Variants in TOP2B observed in about 807,000 individuals in gnomAD.
The protein encoded by TOP2B is DNA topoisomerase II beta.
TOP2B carries 51 observed loss-of-function variants against 193.5 expected under a neutral mutation model. The ratio of observed to expected loss-of-function variants is 0.26; its 90% CI spans 0.21 to 0.33. The LOEUF (loss-of-function observed/expected upper bound fraction) is 0.33. TOP2B is among the 10% of genes least tolerant of loss of function. The pLI is 1.00. For missense variants in TOP2B, 1,378 were observed against 1,909.3 expected (o/e 0.72, Z 5.19); for synonymous variants, 634 against 635.7 (o/e 1.00, Z 0.04).
chr3:25,632,927 T>TA (rs1703001617), intron 8 of TOP2B, 133 bp from the exon 9 acceptor site: 1 of 771,084 alleles, frequency 1.3e-6, no homozygotes. Context: ...TTTAAAAAAA[T>TA]AAGACATTTT....
chr3:25,629,781 C>A (rs1444348508), intron 13 of TOP2B, among the ~76,000 whole-genome samples: 1 of 152,000 alleles, frequency 6.6e-6, no homozygotes, highest in East Asian at 1.9e-4. Flanking sequence ...AATTTTGTTC[C>A]TACTTGTAGG....
At chr3:25,632,299 CAAATTA>C (rs1702983513) in intron 10 of TOP2B, 141 bp downstream of exon 10, 2 of 680,322 alleles carry the variant, frequency 2.9e-6, no homozygotes, top group Non-Finnish European at 4.9e-6. Context: ...TTAAAGTTAT[CAAATTA>C]AGCATATTAG....
chr3:25,651,021 A>T (rs1479678212), intron 1 of TOP2B, among the ~76,000 whole-genome samples: 2 of 152,172 alleles, frequency 1.3e-5, no homozygotes, highest in African/African-American at 4.8e-5. Context: ...ACGTTATAAC[A>T]AGTTAGTACA....
At chr3:25,601,544 G>A (rs991539686) in intron 33 of TOP2B, among the ~76,000 whole-genome samples, 12 of 152,122 alleles carry the variant, frequency 7.9e-5, no homozygotes, top group South Asian at 2.1e-4. Flanking sequence ...GCTTGAACCC[G>A]GGAGGTCGCA....
At chr3:25,624,196 C>A in intron 20 of TOP2B, 101 bp downstream of exon 20, 1 of 1,349,320 alleles carries the variant, frequency 7.4e-7, no homozygotes, top group South Asian at 1.4e-5. Context: ...GTAGAATAAC[C>A]AGATAATCAC....
chr3:25,642,516 T>C (rs1030787231), intron 3 of TOP2B, 131 bp from the exon 4 acceptor site: 3 of 474,196 alleles, frequency 6.3e-6, no homozygotes, highest in Non-Finnish European at 1.1e-5. Context: ...TAATTACTAT[T>C]AACTTCTCAT....
chr3:25,641,012 G>A (rs1032734015), intron 4 of TOP2B, among the ~76,000 whole-genome samples: 1 of 152,064 alleles, frequency 6.6e-6, no homozygotes, highest in Non-Finnish European at 1.5e-5. Flanking sequence ...GAGCTCCTGG[G>A]CTCAAGGGAT....
At chr3:25,638,722 C>A (rs572942787) in intron 4 of TOP2B, among the ~76,000 whole-genome samples, 11 of 151,834 alleles carry the variant, frequency 7.2e-5, no homozygotes, top group African/African-American at 2.7e-4. Flanking sequence ...AAAAAATCAA[C>A]GTTTGGCATC....
rs368311767 is a variant in TOP2B at position 25,609,626 on chromosome 3, C to T, written c.3873G>A (p.Leu1291=). ...CTTTATTTATAGGAACTGATGGAGTCAATGCCTCTTCTCCTGCACCTTCTA... is the reference window on the plus strand; with the variant it reads ...CTTTATTTATAGGAACTGATGGAGTTAATGCCTCTTCTCCTGCACCTTCTA... ...APVEGAGEEA[L]TPSVPINKGP... is the part of the protein sequence containing the mutation. Residue 1291 remains leucine, a synonymous_variant, in exon 29 of 36, where the codon TTG becomes TTA. Coordinates refer to ENST00000264331, the MANE Select transcript of TOP2B (RefSeq NM_001330700.2). The T allele has an allele frequency of 3.8e-6, 6 of 1,587,910 alleles. No individual in the cohort carries two copies. Among genetic ancestry groups the T allele is most frequent in the Non-Finnish European group, 3.4e-6 (4 of 1,167,972 alleles).
chr3:25,661,423 T>C (rs1703906893), intron 1 of TOP2B, among the ~76,000 whole-genome samples: 1 of 152,222 alleles, frequency 6.6e-6, no homozygotes, highest in East Asian at 1.9e-4. Context: ...AGTTAGAATA[T>C]TGTTGGGAAA....
At chr3:25,636,413 G>C (rs1368199518) in intron 6 of TOP2B, among the ~76,000 whole-genome samples, 1 of 152,022 alleles carries the variant, frequency 6.6e-6, no homozygotes, top group Non-Finnish European at 1.5e-5. Flanking sequence ...TTAAAATACA[G>C]CATAACTGTT....
intron 25 of TOP2B, 101 bp downstream of exon 25, chr3:25,618,317 C>T (rs1702565923): frequency 3.8e-6 from 3 of 780,164 alleles, no homozygotes; most frequent in Admixed American, 4.4e-5. Flanking sequence ...AACTCAGCAC[C>T]TTTAGTAGTA....
At position 25,615,433 on chromosome 3, in the gene TOP2B, T is replaced by C; in HGVS notation, c.3505A>G (p.Lys1169Glu). ...VEELIKQRDA[K>E]GREVNDLKRK... is the part of the protein sequence containing the mutation. ...ATTTAACCCACAAAAGTTCATACTT[T>C]TGCATCTCTCTGTTTAATCAGTTCT... The change falls in exon 26 of 36, where the codon AAA becomes GAA. Residue 1169 changes from lysine to glutamate, a missense_variant and splice_region_variant. Transcript: ENST00000264331. The C allele has an allele frequency of 6.5e-7, 1 of 1,549,000 alleles. No homozygotes were observed.
chr3:25,647,170 C>T (rs771769765), intron 1 of TOP2B, among the ~76,000 whole-genome samples: 2 of 152,108 alleles, frequency 1.3e-5, no homozygotes, highest in African/African-American at 2.4e-5. Flanking sequence ...AATTTCTAAT[C>T]GTATTCTTTG....
chr3:25,597,965 TCAGTAAAGAGA>T (rs1701955147), downstream of TOP2B: 1 of 161,540 alleles, frequency 6.2e-6, no homozygotes, highest in South Asian at 2.0e-4. Flanking sequence ...ACCTTTATCT[TCAGTAAAGAGA>T]CAGAGAACAC....
rs554298864 is a variant in TOP2B at position 25,651,055 on chromosome 3, T to G, written c.70-5585A>C. On this transcript the variant is annotated intron_variant, in intron 1 of 35. Coordinates refer to ENST00000264331, the MANE Select transcript of TOP2B (RefSeq NM_001330700.2). ...CAAGTTTATTTTGATACCAAAAAATTTTGAAATCCATGCATAGTTTTCTCA... is the reference window on the plus strand; with the variant it reads ...CAAGTTTATTTTGATACCAAAAAATGTTGAAATCCATGCATAGTTTTCTCA... Among the ~76,000 whole-genome samples the G allele has an allele frequency of 2.0e-5, 3 of 152,288 alleles. No homozygotes were observed. In the East Asian group the frequency reaches 5.8e-4, roughly 29 times the overall value.
chr3:25,601,517 G>A (rs1009446163), intron 33 of TOP2B, among the ~76,000 whole-genome samples: 4 of 152,188 alleles, frequency 2.6e-5, no homozygotes, highest in Non-Finnish European at 5.9e-5. Context: ...TACTTGGGAG[G>A]CTGAGGCAGG....
At position 25,628,834 on chromosome 3, in the gene TOP2B, T is replaced by C; in HGVS notation, c.1906+13A>G. ...TATCAGTATTTAAAATCTAAGTATT[T>C]TAAAATACAAACCTTTATAGTACTT... is the stretch of plus-strand genomic sequence containing the variant. On this transcript the variant is annotated intron_variant, in intron 15 of 35. Transcript: ENST00000264331. The C allele has an allele frequency of 1.4e-6, 2 of 1,431,736 alleles. No homozygotes were observed. Among genetic ancestry groups the C allele is most frequent in the East Asian group, 4.7e-5 (2 of 42,824 alleles). 88.7% of individuals were successfully genotyped at this position (1,431,736 alleles called of 1,614,324 possible). A position where few individuals can be genotyped will look rare whatever the true frequency, so the allele number is the denominator to read the frequency against.
chr3:25,627,411 C>T, intron 15 of TOP2B, 115 bp from the exon 16 acceptor site: 1 of 566,154 alleles, frequency 1.8e-6, no homozygotes, highest in Non-Finnish European at 3.1e-6. Context: ...AACACCTATA[C>T]TAAGTGATCA....
Sources: allele counts gnomAD v4.1 joint callset (sites outside exome capture counted in the v4.1 genomes callset), GRCh38; gene constraint gnomAD v4.1.1; transcripts MANE v1.5; gene names NCBI Gene and HGNC (gene_info 2026-07-23, HGNC 2026-07-21).